ZNG1A: variants seen among roughly 807,000 people sequenced by gnomAD.
ZNG1A encodes the protein Zn regulated GTPase metalloprotein activator 1A.
the ZNG1A span, chr9:172,228 T>A: frequency 6.3e-7 from 1 of 1,598,522 alleles, no homozygotes; most frequent in Non-Finnish European, 8.6e-7. Flanking sequence ...TTGAAGTGAT[T>A]ATTATAAACA....
the ZNG1A span, among the ~76,000 whole-genome samples, chr9:174,824 CAG>C: frequency 1.3e-5 from 2 of 150,748 alleles, no homozygotes; most frequent in African/African-American, 4.9e-5. Flanking sequence ...ATAAAGATAA[CAG>C]AAGTATTGTG....
At chr9:157,244 A>C in the ZNG1A span, among the ~76,000 whole-genome samples, 1 of 146,112 alleles carries the variant, frequency 6.8e-6, no homozygotes, top group African/African-American at 2.5e-5. Context: ...CTTAGAGCCC[A>C]AGTGGTAGTT....
the ZNG1A span, among the ~76,000 whole-genome samples, chr9:145,207 T>G: frequency 6.6e-6 from 1 of 151,888 alleles, no homozygotes; most frequent in Non-Finnish European, 1.5e-5. Flanking sequence ...GTATATACCC[T>G]AAAGGACTAT....
the ZNG1A span, among the ~76,000 whole-genome samples, chr9:176,120 T>C: frequency 6.9e-6 from 1 of 144,762 alleles, no homozygotes; most frequent in South Asian, 2.3e-4. Context: ...AGGCTGACTA[T>C]ATGGCTACTT....
the ZNG1A span, among the ~76,000 whole-genome samples, chr9:157,157 CT>C: frequency 2.3e-5 from 3 of 131,614 alleles, no homozygotes; most frequent in East Asian, 6.6e-4. Flanking sequence ...ACTTGCTAAT[CT>C]GGCCTCTCAG....
the ZNG1A span, chr9:167,405 G>T: frequency 6.6e-6 from 1 of 150,608 alleles, no homozygotes; most frequent in African/African-American, 2.5e-5. Context: ...AAGTTGAGGG[G>T]GAATAAAGTG....
At chr9:158,489 G>A in the ZNG1A span, among the ~76,000 whole-genome samples, 103 of 150,460 alleles carry the variant, frequency 6.8e-4, no homozygotes, top group Middle Eastern at 3.4e-3. Flanking sequence ...ATTTGGCTAT[G>A]AGTTTGTGAG....
the ZNG1A span, among the ~76,000 whole-genome samples, chr9:168,684 C>G: frequency 1.4e-5 from 2 of 147,716 alleles, no homozygotes; most frequent in Non-Finnish European, 3.0e-5. Context: ...TTGTTAGAGG[C>G]TAAAGCAGCT....
chr9:142,133 T>C, the ZNG1A span, among the ~76,000 whole-genome samples: 30 of 148,412 alleles, frequency 2.0e-4, no homozygotes, highest in African/African-American at 7.2e-4. Context: ...GACAGATCAA[T>C]GAGACAGAAA....
chr9:133,427 C>G, the ZNG1A span, among the ~76,000 whole-genome samples: 1 of 149,758 alleles, frequency 6.7e-6, no homozygotes, highest in Admixed American at 6.7e-5. Context: ...CCATTCTACT[C>G]TTACGCACGT....
At chr9:163,024 T>C in the ZNG1A span, among the ~76,000 whole-genome samples, 81 of 151,774 alleles carry the variant, frequency 5.3e-4, no homozygotes, top group Middle Eastern at 3.4e-3. Flanking sequence ...TCTGAATATA[T>C]GCTGATAACA....
At chr9:126,438 G>A in the ZNG1A span, among the ~76,000 whole-genome samples, 6 of 149,690 alleles carry the variant, frequency 4.0e-5, no homozygotes, top group African/African-American at 9.8e-5. Flanking sequence ...AAGCTAGGAG[G>A]GTTGTATCTT....
the ZNG1A span, among the ~76,000 whole-genome samples, chr9:143,370 G>A: frequency 1.0e-4 from 15 of 143,932 alleles, no homozygotes; most frequent in East Asian, 1.1e-3. Flanking sequence ...TTCATCCCTG[G>A]GATGCAAGGC....
chr9:178,845 A>T, the ZNG1A span: 1 of 1,146,826 alleles, frequency 8.7e-7, no homozygotes, highest in Non-Finnish European at 1.2e-6. Context: ...TGTGACTGGG[A>T]TCTTGGCGCC....
the ZNG1A span, among the ~76,000 whole-genome samples, chr9:164,863 G>T: frequency 6.6e-6 from 1 of 152,060 alleles, no homozygotes; most frequent in Non-Finnish European, 1.5e-5. Flanking sequence ...CTGCCAAGAT[G>T]TGGTCCCCCA....
chr9:171,462 C>G, the ZNG1A span: 1 of 152,036 alleles, frequency 6.6e-6, no homozygotes, highest in Non-Finnish European at 1.5e-5. Flanking sequence ...AGAATTAGAG[C>G]TTGGTAAGAA....
the ZNG1A span, chr9:159,922 G>C: frequency 2.7e-6 from 1 of 364,730 alleles, no homozygotes; most frequent in South Asian, 2.1e-5. Flanking sequence ...CCTTTTCCAA[G>C]CTAACTGTTT....
chr9:145,476 C>G, the ZNG1A span, among the ~76,000 whole-genome samples: 3 of 144,578 alleles, frequency 2.1e-5, no homozygotes, highest in Admixed American at 2.2e-4. Context: ...CATATTCTCA[C>G]TCATAGGTGG....
chr9:163,864 C>G, the ZNG1A span: 5 of 1,101,880 alleles, frequency 4.5e-6, no homozygotes, highest in Non-Finnish European at 6.6e-6. Flanking sequence ...TTGCAGTGAG[C>G]CGAGATCATG....
Sources: gnomAD v4.1 joint callset for allele counts (sites outside exome capture counted in the v4.1 genomes callset) on GRCh38, gnomAD v4.1.1 for gene constraint, MANE v1.5 for transcripts, NCBI Gene and HGNC (gene_info 2026-07-23, HGNC 2026-07-21) for gene names.